The following STXBP4 variants were observed in gnomAD, a reference collection of about 807,000 sequenced individuals.
STXBP4 encodes the protein syntaxin binding protein 4.
In STXBP4, 55 loss-of-function variants were observed where a neutral mutation model predicts 76.1. The observed-to-expected ratio is 0.72, with a 90% CI of 0.58 to 0.91. The LOEUF (loss-of-function observed/expected upper bound fraction) is 0.91. STXBP4 is among the 40% of genes least tolerant of loss of function. STXBP4 has a pLI of 0.00. For missense variants in STXBP4, 618 were observed against 636.9 expected, an observed-to-expected ratio of 0.97 and a Z score of 0.32; for synonymous variants, 201 against 220.2, an observed-to-expected ratio of 0.91 and a Z score of 0.77.
At chr17:55,038,202 A>G (rs2078637868) in intron 10 of STXBP4, among the ~76,000 whole-genome samples, 2 of 152,220 alleles carry the variant, frequency 1.3e-5, no homozygotes, top group Non-Finnish European at 1.5e-5. Context: ...TAATATATAC[A>G]GAATAAAGTA....
At position 55,081,624 on chromosome 17, in the gene STXBP4, C is replaced by A. The variant is rs561957521; in HGVS notation, c.1489+441C>A. Among the ~76,000 whole-genome samples, 16 of 152,230 alleles carry A rather than the reference C, an allele frequency of 1.1e-4. No homozygotes were observed. The South Asian group carries it at 3.1e-3, about 30-fold the overall frequency. ...GAGTTAAGCAGAACCATGGAAAAAA[C>A]CCCAGGATCACAGACAGTGAAGACT... On this transcript the variant is annotated intron_variant, in intron 16 of 17. Coordinates refer to ENST00000376352, the MANE Select transcript of STXBP4 (RefSeq NM_178509.6).
At chr17:55,142,588 A>G (rs1021038911) in intron 17 of STXBP4, among the ~76,000 whole-genome samples, 1 of 152,190 alleles carries the variant, frequency 6.6e-6, no homozygotes, top group South Asian at 2.1e-4. Context: ...TAGATGCCCA[A>G]TAAATAGCCA....
intron 17 of STXBP4, among the ~76,000 whole-genome samples, chr17:55,152,298 C>A (rs1168258644): frequency 6.6e-6 from 1 of 152,026 alleles, no homozygotes; most frequent in African/African-American, 2.4e-5. Context: ...GCCTATTAGA[C>A]AAAAATAGAT....
intron 6 of STXBP4, 77 bp downstream of exon 6, chr17:54,999,919 A>G (rs942643703): frequency 3.7e-5 from 35 of 942,108 alleles, no homozygotes; most frequent in Non-Finnish European, 5.2e-5. Flanking sequence ...GGTTATGTAC[A>G]TATAGAATTA....
intron 8 of STXBP4, among the ~76,000 whole-genome samples, chr17:55,029,658 C>A (rs2078473177): frequency 6.6e-6 from 1 of 151,578 alleles, no homozygotes; most frequent in South Asian, 2.1e-4. Flanking sequence ...TTGAAAGAAT[C>A]TTTCCTGATA....
At chr17:55,056,786 C>T (rs1371528168) in intron 12 of STXBP4, among the ~76,000 whole-genome samples, 1 of 152,084 alleles carries the variant, frequency 6.6e-6, no homozygotes, top group African/African-American at 2.4e-5. Context: ...GCAGGCAGAT[C>T]GCTTGAGCCC....
At chr17:55,146,841 C>T (rs916976376) in intron 17 of STXBP4, among the ~76,000 whole-genome samples, 1 of 152,164 alleles carries the variant, frequency 6.6e-6, no homozygotes, top group Non-Finnish European at 1.5e-5. Context: ...CATAGAGCTA[C>T]TCACAATATG....
chr17:55,180,419 G>A, the STXBP4 span, among the ~76,000 whole-genome samples: 2 of 152,188 alleles, frequency 1.3e-5, no homozygotes, highest in Non-Finnish European at 2.9e-5. Context: ...GTGAAGCCTT[G>A]TTGGGGAGTT....
rs115962086 is a variant in STXBP4 at position 55,159,824 on chromosome 17, C to A, written c.1575C>A (p.Ile525=). 38 of 1,613,042 alleles carry A rather than the reference C, an allele frequency of 2.4e-5. No individual in the cohort carries two copies. Among genetic ancestry groups the A allele is most frequent in the Non-Finnish European group, 2.5e-5 (29 of 1,179,266 alleles). The change falls in exon 18 of 18, where the codon ATC becomes ATA. Residue 525 remains isoleucine, a synonymous_variant. Transcript: ENST00000376352. ...INHVTQTTSW[I]HPVMSVLNLS... The stretch of plus-strand genomic sequence containing the variant: ...ATGTAACACAGACTACATCCTGGAT[C>A]CATCCCGTGATGAGTGTCCTGAATC...
At position 55,109,624 on chromosome 17, in the gene STXBP4, CTTTTTTTTTT is replaced by C. The variant is rs551292679; in HGVS notation, c.1489+28455_1489+28464del. Reference sequence around the variant, plus strand: ...TACCAAATGGCCACAAACTCAATGTCTTTTTTTTTTTTTTTTTTTTTTTATATGGAGTTTC... The same window carrying C: ...TACCAAATGGCCACAAACTCAATGTCTTTTTTTTTTTTTATATGGAGTTTC... On this transcript the variant is annotated intron_variant, in intron 16 of 17. Coordinates refer to ENST00000376352, the MANE Select transcript of STXBP4 (RefSeq NM_178509.6). Among the ~76,000 whole-genome samples, 731 of 114,382 alleles carry C rather than the reference CTTTTTTTTTT, an allele frequency of 6.4e-3. 6 individuals carry two copies. Among genetic ancestry groups the C allele is most frequent in the African/African-American group, 0.023 (668 of 29,570 alleles). 75.0% of individuals were successfully genotyped at this position (114,382 alleles called of 152,430 possible).
At chr17:54,984,239 T>C (rs1186729856) in intron 1 of STXBP4, among the ~76,000 whole-genome samples, 1 of 152,138 alleles carries the variant, frequency 6.6e-6, no homozygotes, top group Non-Finnish European at 1.5e-5. Context: ...AAAGATAGGA[T>C]GATCCTCTTG....
chr17:55,103,222 T>C (rs1025806000), intron 16 of STXBP4, among the ~76,000 whole-genome samples: 4 of 152,210 alleles, frequency 2.6e-5, no homozygotes, highest in African/African-American at 9.6e-5. Context: ...TTGTCCTGAA[T>C]GGTATTGTCT....
chr17:55,129,564 A>G (rs1567775040), intron 16 of STXBP4, among the ~76,000 whole-genome samples: 1 of 151,974 alleles, frequency 6.6e-6, no homozygotes, highest in African/African-American at 2.4e-5. Flanking sequence ...TTTATTTCTC[A>G]AAAGAAAGAA....
At chr17:55,132,911 C>T (rs1415790026) in intron 16 of STXBP4, among the ~76,000 whole-genome samples, 1 of 152,084 alleles carries the variant, frequency 6.6e-6, no homozygotes, top group Non-Finnish European at 1.5e-5. Context: ...AGTGCAAAGG[C>T]CCTGAAGCAG....
intron 12 of STXBP4, among the ~76,000 whole-genome samples, chr17:55,055,687 C>G (rs932363176): frequency 2.0e-5 from 3 of 152,156 alleles, no homozygotes; most frequent in Non-Finnish European, 2.9e-5. Context: ...GTCCTTTCCC[C>G]ATCCTAACAC....
At chr17:55,063,950 A>T (rs1329011386) in intron 12 of STXBP4, among the ~76,000 whole-genome samples, 1 of 152,150 alleles carries the variant, frequency 6.6e-6, no homozygotes, top group Non-Finnish European at 1.5e-5. Flanking sequence ...AAACTAGTAA[A>T]TTTTACCCAA....
chr17:55,030,990 C>A, intron 8 of STXBP4, 178 bp from the exon 9 acceptor site: 1 of 488,888 alleles, frequency 2.0e-6, no homozygotes, highest in South Asian at 3.1e-5. Context: ...GTAGTAAAAT[C>A]AGGAAGCTAA....
chr17:55,210,636 G>A, the STXBP4 span, among the ~76,000 whole-genome samples: 4 of 152,106 alleles, frequency 2.6e-5, no homozygotes, highest in East Asian at 1.9e-4. Flanking sequence ...TTCTTGACAG[G>A]TAGATCTTTC....
chr17:55,175,586 A>G (rs1201402884), downstream of STXBP4, among the ~76,000 whole-genome samples: 2 of 151,778 alleles, frequency 1.3e-5, no homozygotes, highest in Non-Finnish European at 1.5e-5. Context: ...GAGGGGTCAA[A>G]GAACAAGCAA....
Sources: allele counts gnomAD v4.1 joint callset (sites outside exome capture counted in the v4.1 genomes callset), GRCh38; gene constraint gnomAD v4.1.1; transcripts MANE v1.5; gene names NCBI Gene and HGNC (gene_info 2026-07-23, HGNC 2026-07-21).